Variants in CD1B observed in about 807,000 individuals in gnomAD.
The protein encoded by CD1B is CD1b molecule.
A neutral mutation model predicts 39.8 loss-of-function variants in CD1B; 43 were observed. The observed-to-expected ratio is 1.08, with a 90% CI of 0.85 to 1.39. CD1B has a LOEUF of 1.39. Ranked by LOEUF, CD1B falls within the 40% of genes most tolerant of loss-of-function variation. The probability of loss-of-function intolerance (pLI) is 0.00; values close to 1 mark genes in which losing one functional copy is unlikely to be tolerated. For synonymous variants in CD1B, 192 were observed against 152.5 expected, an observed-to-expected ratio of 1.26 and a Z score of -1.91; for missense variants, 495 against 403.8, an observed-to-expected ratio of 1.23 and a Z score of -1.94.
the CD1B span, among the ~76,000 whole-genome samples, chr1:158,307,308 C>A: frequency 1.7e-4 from 26 of 152,098 alleles, no homozygotes; most frequent in African/African-American, 5.3e-4. Context: ...ATAAATACCT[C>A]TACGCAAATA....
the CD1B span, chr1:158,293,071 G>T: frequency 1.8e-5 from 16 of 897,582 alleles, no homozygotes; most frequent in Admixed American, 3.7e-4. Flanking sequence ...CCTTCCTTGA[G>T]TAAGTTTTGG....
the CD1B span, among the ~76,000 whole-genome samples, chr1:158,301,893 T>A: frequency 6.6e-6 from 1 of 152,160 alleles, no homozygotes; most frequent in Non-Finnish European, 1.5e-5. Flanking sequence ...CCAGCTTGGT[T>A]CCATTCTCCC....
chr1:158,318,654 T>C, the CD1B span, among the ~76,000 whole-genome samples: 1 of 152,256 alleles, frequency 6.6e-6, no homozygotes, highest in African/African-American at 2.4e-5. Context: ...GAGCATTTAG[T>C]CCATTTACAT....
chr1:158,288,367 A>C, the CD1B span, among the ~76,000 whole-genome samples: 2 of 152,340 alleles, frequency 1.3e-5, no homozygotes, highest in East Asian at 3.9e-4. Flanking sequence ...AATAAATATA[A>C]ATTTAAAACA....
the CD1B span, among the ~76,000 whole-genome samples, chr1:158,305,318 G>A: frequency 1.8e-4 from 27 of 152,302 alleles, no homozygotes; most frequent in East Asian, 4.8e-3. Context: ...ATGGGATCAA[G>A]TGGAAGAAAG....
chr1:158,321,035 T>C, the CD1B span, among the ~76,000 whole-genome samples: 1 of 152,142 alleles, frequency 6.6e-6, no homozygotes, highest in Non-Finnish European at 1.5e-5. Flanking sequence ...TGGTCAGGAG[T>C]TCAGTTTAAC....
rs780662796 is a variant in CD1B at position 158,328,935 on chromosome 1, C to T, written c.966G>A (p.Trp322Ter). 1.2e-6 allele frequency: 2 copies of T among 1,611,502 alleles called. No individual in the cohort carries two copies. Among genetic ancestry groups the T allele is most frequent in the Admixed American group, 1.7e-5 (1 of 59,652 alleles). ...SLLLLLCLAL[W>*]YMRRRSYQNI... ...CCACAACTCACCGGCGCCTCATATA[C>T]CATAATGCAAGGCATAGCAAAAGGA... The change falls in exon 5 of 6, where the codon TGG (tryptophan) becomes TGA (stop). Residue 322 changes from tryptophan (W) to a stop codon, truncating the protein, a stop_gained. Coordinates refer to ENST00000368168, the MANE Select transcript of CD1B (RefSeq NM_001764.3). LOFTEE classifies it high-confidence loss of function.
At chr1:158,298,722 G>T in the CD1B span, among the ~76,000 whole-genome samples, 2 of 152,100 alleles carry the variant, frequency 1.3e-5, no homozygotes, top group African/African-American at 2.4e-5. Flanking sequence ...CCTTGAAGAG[G>T]TCCTTCACAT....
At chr1:158,322,417 G>GGTT in the CD1B span, among the ~76,000 whole-genome samples, 5 of 135,724 alleles carry the variant, frequency 3.7e-5, no homozygotes, top group Admixed American at 7.4e-5. Context: ...TTTTTTTTCT[G>GGTT]TTTTTTTTTT....
chr1:158,297,002 A>T, the CD1B span, among the ~76,000 whole-genome samples: 18 of 152,272 alleles, frequency 1.2e-4, no homozygotes, highest in Admixed American at 3.9e-4. Context: ...AGAGAGAGAG[A>T]GTGTGCAAAC....
At chr1:158,318,690 AT>A in the CD1B span, among the ~76,000 whole-genome samples, 1 of 152,046 alleles carries the variant, frequency 6.6e-6, no homozygotes, top group East Asian at 1.9e-4. Flanking sequence ...TTATGTGTGA[AT>A]TTGATCCTGT....
rs201894566 is a variant in CD1B at position 158,331,452 on chromosome 1, C to T, written c.-29G>A. The T allele has an allele frequency of 1.3e-3, 2,026 of 1,594,868 alleles. 3 individuals carry two copies. Among genetic ancestry groups the T allele is most frequent in the Non-Finnish European group, 1.5e-3 (1,736 of 1,162,984 alleles). Reference sequence around the variant, plus strand: ...ACTGGGAGATGCAACTTCTTACTGGCAGAGCTGGTATTTGATCTCCAATTT... The same window carrying T: ...ACTGGGAGATGCAACTTCTTACTGGTAGAGCTGGTATTTGATCTCCAATTT... On this transcript the variant is annotated 5_prime_UTR_variant, in exon 1 of 6. Coordinates refer to ENST00000368168, the MANE Select transcript of CD1B (RefSeq NM_001764.3).
At chr1:158,288,340 A>G in the CD1B span, among the ~76,000 whole-genome samples, 2 of 152,238 alleles carry the variant, frequency 1.3e-5, no homozygotes, top group African/African-American at 4.8e-5. Context: ...ATCATGTTGT[A>G]CACAGTAAAT....
the CD1B span, among the ~76,000 whole-genome samples, chr1:158,322,941 C>T: frequency 7.9e-5 from 12 of 152,236 alleles, no homozygotes; most frequent in South Asian, 4.1e-4. Flanking sequence ...GTTTTTATTT[C>T]GAGAGTCAAA....
chr1:158,308,580 A>G, the CD1B span, among the ~76,000 whole-genome samples: 54 of 152,328 alleles, frequency 3.5e-4, no homozygotes, highest in African/African-American at 9.6e-4. Flanking sequence ...ACTTCAAACT[A>G]TACTACAAGG....
the CD1B span, among the ~76,000 whole-genome samples, chr1:158,319,286 C>G: frequency 6.6e-6 from 1 of 152,052 alleles, no homozygotes; most frequent in African/African-American, 2.4e-5. Context: ...TTCTCCCCGT[C>G]ACTTTCAGGT....
chr1:158,296,964 C>T, the CD1B span, among the ~76,000 whole-genome samples: 4 of 152,110 alleles, frequency 2.6e-5, no homozygotes, highest in Non-Finnish European at 5.9e-5. Flanking sequence ...AGAGACCAAA[C>T]CTGTACTCAC....
the CD1B span, among the ~76,000 whole-genome samples, chr1:158,319,993 C>A: frequency 6.6e-6 from 1 of 152,152 alleles, no homozygotes; most frequent in East Asian, 1.9e-4. Context: ...GGGTCAGGGA[C>A]CCGCTTGAGG....
downstream of CD1B, among the ~76,000 whole-genome samples, chr1:158,324,098 A>G (rs1652272735): frequency 6.6e-6 from 1 of 152,226 alleles, no homozygotes; most frequent in Non-Finnish European, 1.5e-5. Flanking sequence ...CATTTAACGG[A>G]CAGAAGAGAT....
Sources: allele counts gnomAD v4.1 joint callset (sites outside exome capture counted in the v4.1 genomes callset), GRCh38; gene constraint gnomAD v4.1.1; transcripts MANE v1.5; gene names NCBI Gene and HGNC (gene_info 2026-07-23, HGNC 2026-07-21).